AQP5: variants seen among roughly 807,000 people sequenced by gnomAD.
AQP5 encodes the protein aquaporin 5.
Under a neutral mutation model 19.1 loss-of-function variants are expected in AQP5, and 15 were observed. That is an observed-to-expected ratio of 0.79 (90% CI 0.53 to 1.21). AQP5 has a LOEUF of 1.21. Among genes scored for constraint, AQP5 ranks in the 50% most tolerant of loss-of-function variants. The pLI, the probability that AQP5 is intolerant of heterozygous loss-of-function variation, is 0.00. For synonymous variants in AQP5, 182 were observed against 160.3 expected, an observed-to-expected ratio of 1.14 and a Z score of -1.02; for missense variants, 355 against 357.1, an observed-to-expected ratio of 0.99 and a Z score of 0.05.
In AQP5 at chr12:49,965,355, TA is replaced by T; in HGVS notation, c.*179del. 1 of 737,866 alleles carries T rather than the reference TA, an allele frequency of 1.4e-6. No individual in the cohort carries two copies. The highest frequency in any genetic ancestry group is 2.1e-6 in the Non-Finnish European group (1 of 473,982). 45.7% of individuals were successfully genotyped at this position (737,866 alleles called of 1,614,324 possible). A position where few individuals can be genotyped will look rare whatever the true frequency, so the allele number is the denominator to read the frequency against. On this transcript the variant is annotated 3_prime_UTR_variant, in exon 4 of 4. Transcript: ENST00000293599. Reference sequence around the variant, plus strand: ...GGAACCCATGATGGGACTCCTGGGGTAGGGGCCAGGGGCTGGGGTCTGCTGG... The same window carrying T: ...GGAACCCATGATGGGACTCCTGGGGTGGGGCCAGGGGCTGGGGTCTGCTGG...
chr12:49,963,989 C>T (rs1192671066), intron 2 of AQP5, 103 bp from the exon 3 acceptor site: 12 of 1,215,614 alleles, frequency 9.9e-6, no homozygotes, highest in Non-Finnish European at 1.3e-5. Flanking sequence ...GAGTTTGAGA[C>T]CTGGCTGAGC....
chr12:49,961,950 C>A lies in AQP5; in HGVS notation c.-68C>A. 8.9e-7 allele frequency: 1 copy of A among 1,129,920 alleles called. No individual in the cohort carries two copies. The highest frequency in any genetic ancestry group is 1.6e-5 in the African/African-American group (1 of 61,238). 70.0% of individuals were successfully genotyped at this position (1,129,920 alleles called of 1,614,324 possible). A position where few individuals can be genotyped will look rare whatever the true frequency, so the allele number is the denominator to read the frequency against. ...GCCCCCGCCCCCGCCGCATCCACCTCCTCCGCCGCCTGCGACCCAACGGGC... is the reference window on the plus strand; with the variant it reads ...GCCCCCGCCCCCGCCGCATCCACCTACTCCGCCGCCTGCGACCCAACGGGC... On this transcript the variant is annotated 5_prime_UTR_variant, in exon 1 of 4. Coordinates refer to ENST00000293599, the MANE Select transcript of AQP5 (RefSeq NM_001651.4).
intron 1 of AQP5, 49 bp from the exon 2 acceptor site, chr12:49,963,443 C>T (rs1309253179): frequency 1.3e-6 from 2 of 1,598,738 alleles, no homozygotes. Context: ...GAGCCCCTGG[C>T]TATACAGCCA....
At position 49,962,110 on chromosome 12, in the gene AQP5, G is replaced by A. The variant is rs2137157085; in HGVS notation, c.93G>A (p.Ser31=). The change falls in exon 1 of 4, where the codon TCG becomes TCA. Residue 31 remains serine, a synonymous_variant. Coordinates refer to ENST00000293599, the MANE Select transcript of AQP5 (RefSeq NM_001651.4). ...TCTTCGTCTTCTTTGGCCTGGGCTCGGCCCTCAAGTGGCCGTCGGCGCTGC... is the reference window on the plus strand; with the variant it reads ...TCTTCGTCTTCTTTGGCCTGGGCTCAGCCCTCAAGTGGCCGTCGGCGCTGC... ...TLIFVFFGLG[S]ALKWPSALPT... 1 of 1,613,538 alleles carries A rather than the reference G, an allele frequency of 6.2e-7. No individual in the cohort carries two copies. The highest frequency in any genetic ancestry group is 8.5e-7 in the Non-Finnish European group (1 of 1,179,770).
rs1192671066 is a variant in AQP5 at position 49,963,989 on chromosome 12, C to A, written c.529-103C>A. On this transcript the variant is annotated intron_variant, in intron 2 of 3. Coordinates refer to ENST00000293599, the MANE Select transcript of AQP5 (RefSeq NM_001651.4). ...AGAGGTTGCCAGCCTGAGTTTGAGA[C>A]CTGGCTGAGCCCCTGGACTGCAGTG... The A allele has an allele frequency of 7.4e-6, 9 of 1,215,488 alleles. No homozygotes were observed. In the Admixed American group the frequency reaches 8.8e-5, roughly 12 times the overall value. The allele number at this position is 1,215,488 out of a possible 1,614,324, so 75.3% of individuals were successfully genotyped here. A position where few individuals can be genotyped will look rare whatever the true frequency, so the allele number is the denominator to read the frequency against.
At chr12:49,963,764 T>A in intron 2 of AQP5, 108 bp downstream of exon 2, 1 of 1,400,766 alleles carries the variant, frequency 7.1e-7, no homozygotes, top group Non-Finnish European at 9.5e-7. Context: ...CAGCAGAGTT[T>A]AAGGCCTGGA....
At chr12:49,964,240 A>G (rs998797909) in intron 3 of AQP5, 65 bp downstream of exon 3, 3 of 1,511,756 alleles carry the variant, frequency 2.0e-6, no homozygotes, top group Admixed American at 1.7e-5. Flanking sequence ...GTGGCAGCTC[A>G]GAGCTCACCA....
intron 3 of AQP5, chr12:49,964,707 T>C: frequency 1.0e-6 from 1 of 985,174 alleles, no homozygotes; most frequent in South Asian, 4.7e-5. Context: ...CCTCTGAAGG[T>C]TTATTTGCTT....
Position 49,962,081 on chromosome 12 carries a change from C to T in AQP5, c.64C>T (p.Leu22Phe), listed in dbSNP as rs568521335. The T allele has an allele frequency of 1.9e-6, 3 of 1,613,000 alleles. No individual in the cohort carries two copies. Among genetic ancestry groups the T allele is most frequent in the Non-Finnish European group, 2.5e-6 (3 of 1,179,342 alleles). The change falls in exon 1 of 4, where the codon CTC becomes TTC. Residue 22 changes from leucine (L) to phenylalanine (F), a missense_variant. Transcript: ENST00000293599. ...KAVFAEFLAT[L>F]IFVFFGLGSA... ...CGTGTTCGCAGAGTTCTTGGCCACC[C>T]TCATCTTCGTCTTCTTTGGCCTGGG...
intron 3 of AQP5, 143 bp from the exon 4 acceptor site, chr12:49,964,848 GA>G (rs774466149): frequency 5.2e-5 from 75 of 1,444,978 alleles, no homozygotes; most frequent in Admixed American, 1.1e-4. Context: ...CCCGAGGTGG[GA>G]GGAAGTCTTT....
chr12:49,963,973 C>A, intron 2 of AQP5, 119 bp from the exon 3 acceptor site: 1 of 1,056,948 alleles, frequency 9.5e-7, no homozygotes, highest in Non-Finnish European at 1.4e-6. Flanking sequence ...GAGAGGTTGC[C>A]AGCCTGAGTT....
intron 1 of AQP5, 22 bp from the exon 2 acceptor site, chr12:49,963,470 C>G: frequency 6.2e-7 from 1 of 1,612,026 alleles, no homozygotes; most frequent in Non-Finnish European, 8.5e-7. Flanking sequence ...GGCCGGGGTC[C>G]TAACCCGCTA....
intron 3 of AQP5, 108 bp downstream of exon 3, chr12:49,964,283 T>G: frequency 8.3e-7 from 1 of 1,210,188 alleles, no homozygotes. Context: ...AGCTTGGGGG[T>G]GGGCCACGGA....
chr12:49,964,367 C>T (rs1947464008), intron 3 of AQP5, among the ~76,000 whole-genome samples, 192 bp downstream of exon 3: 1 of 152,070 alleles, frequency 6.6e-6, no homozygotes, highest in Non-Finnish European at 1.5e-5. Context: ...CTTTGTATGG[C>T]CTGAACCGCT....
rs1947431383 is a variant in AQP5, at chr12:49,962,148, A to T, written c.131A>T (p.Gln44Leu). The T allele has an allele frequency of 6.2e-7, 1 of 1,612,944 alleles. No homozygotes were observed. The highest frequency in any genetic ancestry group is 1.7e-5 in the Admixed American group (1 of 60,014). The change falls in exon 1 of 4, where the codon CAG (glutamine) becomes CTG (leucine). Residue 44 changes from glutamine (Q) to leucine (L), a missense_variant. By Grantham distance (113) the Gln-to-Leu change is moderately radical (BLOSUM62 -2). Transcript: ENST00000293599. ...CCGTCGGCGCTGCCTACCATCCTGC[A>T]GATCGCGCTGGCGTTTGGCCTGGCC... ...KWPSALPTIL[Q>L]IALAFGLAIG...
Position 49,961,964 on chromosome 12 carries a change from G to T in AQP5, c.-54G>T. 4 of 1,247,334 alleles carry T rather than the reference G, an allele frequency of 3.2e-6. No homozygotes were observed. The highest frequency in any genetic ancestry group is 2.8e-5 in the South Asian group (1 of 35,618). The allele number at this position is 1,247,334 out of a possible 1,614,324, so 77.3% of individuals were successfully genotyped here. ...CGCATCCACCTCCTCCGCCGCCTGC[G>T]ACCCAACGGGCGCCCCCCGCCGCGG... On this transcript the variant is annotated 5_prime_UTR_variant, in exon 1 of 4. Transcript: ENST00000293599.
rs150033758 is a variant in AQP5 at position 49,965,223 on chromosome 12, G to C, written c.*46G>C. ...GCCCCTCAGCCCCTGAGCCAAGGGG[G>C]AAAAGAAGAAAAAGTACCTAACACA... On this transcript the variant is annotated 3_prime_UTR_variant, in exon 4 of 4. Transcript: ENST00000293599. The C allele has an allele frequency of 6.6e-7, 1 of 1,511,410 alleles. No individual in the cohort carries two copies. The highest frequency in any genetic ancestry group is 2.4e-5 in the East Asian group (1 of 42,148). The allele number at this position is 1,511,410 out of a possible 1,614,324, so 93.6% of individuals were successfully genotyped here. A position where few individuals can be genotyped will look rare whatever the true frequency, so the allele number is the denominator to read the frequency against.
Position 49,963,883 on chromosome 12 carries a change from A to T in AQP5, c.529-209A>T, listed in dbSNP as rs570693384. 5.2e-5 allele frequency: 40 copies of T among 772,674 alleles called. 1 individual carries two copies. The East Asian group carries it at 1.1e-3, about 21-fold the overall frequency. The allele number at this position is 772,674 out of a possible 1,614,324, so 47.9% of individuals were successfully genotyped here. ...TAGGAGGTGGGATGGGACAGGAATC[A>T]AACCCAACCTCAGAGCAGAGAAGAG... On this transcript the variant is annotated intron_variant, in intron 2 of 3. Transcript: ENST00000293599.
At chr12:49,964,768 C>T (rs1947471211) in intron 3 of AQP5, 9 of 985,252 alleles carry the variant, frequency 9.1e-6, no homozygotes, top group Non-Finnish European at 1.1e-5. Flanking sequence ...ATCTGTTTGC[C>T]TTCTTTGAGG....
Sources: gnomAD v4.1 joint callset for allele counts (sites outside exome capture counted in the v4.1 genomes callset) on GRCh38, gnomAD v4.1.1 for gene constraint, MANE v1.5 for transcripts, NCBI Gene and HGNC (gene_info 2026-07-23, HGNC 2026-07-21) for gene names.